Variants in PEX11A observed in about 807,000 individuals in gnomAD.
The protein encoded by PEX11A is peroxisomal membrane protein 11A.
PEX11A carries 13 observed loss-of-function variants against 14.4 expected under a neutral mutation model. The observed-to-expected ratio is 0.90, with a 90% confidence interval of 0.59 to 1.43. PEX11A has a LOEUF of 1.43. Ranked by LOEUF, PEX11A falls within the 40% of genes most tolerant of loss-of-function variation. The pLI is 0.00. For synonymous variants in PEX11A, 101 were observed against 113.0 expected, an observed-to-expected ratio of 0.89 and a Z score of 0.67; for missense variants, 290 against 302.8, an observed-to-expected ratio of 0.96 and a Z score of 0.31.
rs142730453 is a variant in PEX11A at position 89,686,480 on chromosome 15, C to T, written c.123G>A (p.Val41=). Residue 41 remains valine, a synonymous_variant, in exon 2 of 3, where the codon GTG becomes GTA. Transcript: ENST00000300056. ...LLEPKAGKEK[V]VMKLKKLESS... is the part of the protein sequence containing the mutation. The stretch of plus-strand genomic sequence containing the variant: ...ACTCCAGTTTCTTGAGCTTCATTAC[C>T]ACCTTCTCTTTGCCAGCTTTGGGCT... The T allele has an allele frequency of 2.5e-6, 4 of 1,606,892 alleles. No individual in the cohort carries two copies. In the African/African-American group the frequency reaches 4.0e-5, roughly 16 times the overall value.
In PEX11A at chr15:89,686,631, T is replaced by C. The variant is rs1256380888; in HGVS notation, c.57-85A>G. 8.6e-6 allele frequency: 6 copies of C among 693,680 alleles called. No homozygotes were observed. In the East Asian group the frequency reaches 1.5e-4, roughly 18 times the overall value. The allele number at this position is 693,680 out of a possible 1,614,324, so 43.0% of individuals were successfully genotyped here. A position where few individuals can be genotyped will look rare whatever the true frequency, so the allele number is the denominator to read the frequency against. ...AGGAAGTAAGGGAAAGAGAAACACA[T>C]GCCTCCAGACAACATTTCCAAGACC... On this transcript the variant is annotated intron_variant, in intron 1 of 2. Transcript: ENST00000300056.
Position 89,683,789 on chromosome 15 carries a change from G to A in PEX11A, c.332C>T (p.Thr111Ile), listed in dbSNP as rs1438743854. 7 of 1,614,186 alleles carry A rather than the reference G, an allele frequency of 4.3e-6. No individual in the cohort carries two copies. Among genetic ancestry groups the A allele is most frequent in the Non-Finnish European group, 5.1e-6 (6 of 1,180,018 alleles). Residue 111 changes from threonine to isoleucine, a missense_variant, in exon 3 of 3, where the codon ACC becomes ATC. Physicochemically the swap from Thr to Ile is moderately conservative, Grantham distance 89. Coordinates refer to ENST00000300056, the MANE Select transcript of PEX11A (RefSeq NM_003847.3). ...CCATTTCTCTTTGTTGATGCCAGAGGTGAGACCTACGCTCCTCACCCAGAG... is the reference window on the plus strand; with the variant it reads ...CCATTTCTCTTTGTTGATGCCAGAGATGAGACCTACGCTCCTCACCCAGAG... Reference protein sequence around the residue: ...TILWVRSVGLTSGINKEKWRT... With the variant: ...TILWVRSVGLISGINKEKWRT...
At chr15:89,685,470 C>T (rs1041273024) in intron 2 of PEX11A, among the ~76,000 whole-genome samples, 4 of 151,616 alleles carry the variant, frequency 2.6e-5, no homozygotes, top group East Asian at 2.0e-4. Flanking sequence ...CAGAAAAGCT[C>T]GCCCTACCCT....
intron 1 of PEX11A, 31 bp from the exon 2 acceptor site, chr15:89,686,577 T>G: frequency 1.0e-6 from 1 of 956,806 alleles, no homozygotes; most frequent in Non-Finnish European, 1.7e-6. Flanking sequence ...TTGAGAAGAA[T>G]GATTTACAAA....
intron 1 of PEX11A, among the ~76,000 whole-genome samples, chr15:89,689,494 T>G (rs1042234506): frequency 6.6e-6 from 1 of 152,232 alleles, no homozygotes; most frequent in East Asian, 1.9e-4. Flanking sequence ...CTGTAAATAT[T>G]TTTTCATTAA....
intron 1 of PEX11A, among the ~76,000 whole-genome samples, chr15:89,687,201 G>C (rs993560457): frequency 6.6e-6 from 1 of 152,104 alleles, no homozygotes; most frequent in African/African-American, 2.4e-5. Context: ...GGGATTGCAG[G>C]CATAAGCTAC....
chr15:89,690,294 G>A (rs2141557871), intron 1 of PEX11A, among the ~76,000 whole-genome samples: 1 of 152,370 alleles, frequency 6.6e-6, no homozygotes, highest in Admixed American at 6.5e-5. Flanking sequence ...AGGAGGATCT[G>A]TCAGCCGGTG....
chr15:89,688,077 T>G, intron 1 of PEX11A: 1 of 533,804 alleles, frequency 1.9e-6, no homozygotes, highest in South Asian at 1.4e-5. Flanking sequence ...GTTTTAGACT[T>G]TTTCTGGAAA....
intron 1 of PEX11A, among the ~76,000 whole-genome samples, chr15:89,688,959 C>A (rs1016357043): frequency 4.6e-5 from 7 of 152,016 alleles, no homozygotes; most frequent in Non-Finnish European, 8.8e-5. Flanking sequence ...TGTGATCCGC[C>A]CACCTCAGCC....
Position 89,683,351 on chromosome 15 carries a change from G to A in PEX11A, c.*26C>T. 2.0e-6 allele frequency: 3 copies of A among 1,488,626 alleles called. No homozygotes were observed. Among genetic ancestry groups the A allele is most frequent in the Non-Finnish European group, 2.8e-6 (3 of 1,079,226 alleles). 92.2% of individuals were successfully genotyped at this position (1,488,626 alleles called of 1,614,324 possible). The stretch of plus-strand genomic sequence containing the variant: ...ACCAAGAGGCCATCTTTTAAAGTAG[G>A]TACTAGTTCCAAGCCTAAAAACACC... On this transcript the variant is annotated 3_prime_UTR_variant, in exon 3 of 3. Coordinates refer to ENST00000300056, the MANE Select transcript of PEX11A (RefSeq NM_003847.3).
intron 1 of PEX11A, among the ~76,000 whole-genome samples, chr15:89,688,686 C>T (rs967335222): frequency 3.3e-5 from 5 of 150,036 alleles, no homozygotes; most frequent in Non-Finnish European, 7.4e-5. Context: ...TCACTGAACC[C>T]GGCCTAAATG....
chr15:89,689,929 G>C (rs1444934103), intron 1 of PEX11A, among the ~76,000 whole-genome samples: 1 of 152,150 alleles, frequency 6.6e-6, no homozygotes, highest in Non-Finnish European at 1.5e-5. Context: ...TCAGGAGTTC[G>C]AGACCAGCCT....
chr15:89,684,371 T>C (rs1430661914), intron 2 of PEX11A, among the ~76,000 whole-genome samples: 1 of 152,248 alleles, frequency 6.6e-6, no homozygotes. Context: ...TAATGTTGAC[T>C]GACGGCATAC....
chr15:89,690,726 T>A lies in PEX11A; in HGVS notation c.-94A>T. The A allele has an allele frequency of 2.3e-6, 2 of 870,772 alleles. No individual in the cohort carries two copies. Among genetic ancestry groups the A allele is most frequent in the African/African-American group, 1.7e-5 (1 of 58,360 alleles). The allele number at this position is 870,772 out of a possible 1,614,324, so 53.9% of individuals were successfully genotyped here. A position where few individuals can be genotyped will look rare whatever the true frequency, so the allele number is the denominator to read the frequency against. On this transcript the variant is annotated 5_prime_UTR_variant, in exon 1 of 3. Transcript: ENST00000300056. Reference sequence around the variant, plus strand: ...CCAGGGAACGGTCAGTCCCAGGTTATCCGCTGAGGGGGAGGGGCTGAGTCT... The same window carrying A: ...CCAGGGAACGGTCAGTCCCAGGTTAACCGCTGAGGGGGAGGGGCTGAGTCT...
chr15:89,685,811 TA>T (rs1421765179), intron 2 of PEX11A, among the ~76,000 whole-genome samples: 2 of 152,192 alleles, frequency 1.3e-5, no homozygotes, highest in Non-Finnish European at 2.9e-5. Flanking sequence ...CATTCCATTC[TA>T]ATGCCTCTGC....
chr15:89,686,581 T>C (rs746367720), intron 1 of PEX11A, 35 bp from the exon 2 acceptor site: 2 of 926,690 alleles, frequency 2.2e-6, no homozygotes, highest in East Asian at 2.4e-5. Flanking sequence ...GAAGAATGAT[T>C]TACAAACCAA....
intron 2 of PEX11A, among the ~76,000 whole-genome samples, chr15:89,684,404 T>C (rs1964647395): frequency 6.6e-6 from 1 of 152,206 alleles, no homozygotes. Flanking sequence ...CAATCATGAG[T>C]GTGGACTGTT....
chr15:89,690,664 G>T lies in PEX11A; in HGVS notation c.-32C>A. 1 of 1,532,436 alleles carries T rather than the reference G, an allele frequency of 6.5e-7. No individual in the cohort carries two copies. The allele number at this position is 1,532,436 out of a possible 1,614,324, so 94.9% of individuals were successfully genotyped here. A position where few individuals can be genotyped will look rare whatever the true frequency, so the allele number is the denominator to read the frequency against. ...TAGCCCAAAGGCCACGAGTCGCACG[G>T]GGCTCAGGCGTGGGTCCTCTGGGGC... On this transcript the variant is annotated 5_prime_UTR_variant, in exon 1 of 3. Coordinates refer to ENST00000300056, the MANE Select transcript of PEX11A (RefSeq NM_003847.3).
intron 1 of PEX11A, 136 bp downstream of exon 1, chr15:89,690,441 C>T: frequency 3.1e-6 from 2 of 637,158 alleles, no homozygotes; most frequent in Non-Finnish European, 5.4e-6. Context: ...TACTAAACTC[C>T]CTCCGTAGGA....
Sources: allele counts gnomAD v4.1 joint callset (sites outside exome capture counted in the v4.1 genomes callset), GRCh38; gene constraint gnomAD v4.1.1; transcripts MANE v1.5; gene names NCBI Gene and HGNC (gene_info 2026-07-23, HGNC 2026-07-21).